SLBP: variants seen among roughly 807,000 people sequenced by gnomAD.
The protein encoded by SLBP is stem-loop histone mRNA binding protein, also known as histone RNA hairpin-binding protein.
Under a neutral mutation model 39.2 loss-of-function variants are expected in SLBP, and 29 were observed. That is an observed-to-expected ratio of 0.74 (90% CI 0.55 to 1.01). The LOEUF is 1.01. Ranked by LOEUF, SLBP falls within the 50% of genes least tolerant of loss-of-function variation. SLBP has a pLI of 0.00. For missense variants in SLBP, 390 were observed against 350.2 expected, an observed-to-expected ratio of 1.11 and a Z score of -0.91; for synonymous variants, 129 against 118.7, an observed-to-expected ratio of 1.09 and a Z score of -0.57.
intron 4 of SLBP, 127 bp from the exon 5 acceptor site, chr4:1,699,828 T>C: frequency 1.0e-6 from 1 of 958,362 alleles, no homozygotes; most frequent in Non-Finnish European, 1.6e-6. Flanking sequence ...ATATGAATCC[T>C]AAATAGTCCG....
chr4:1,703,739 A>C (rs1417095960), intron 2 of SLBP, 39 bp from the exon 3 acceptor site: 10 of 1,354,720 alleles, frequency 7.4e-6, no homozygotes, highest in Admixed American at 1.7e-5. Flanking sequence ...CATGACACAT[A>C]CTTTGTTTTC....
intron 2 of SLBP, among the ~76,000 whole-genome samples, chr4:1,709,225 G>C (rs998704399): frequency 1.3e-5 from 2 of 152,050 alleles, no homozygotes; most frequent in Non-Finnish European, 2.9e-5. Flanking sequence ...CACCATGCCC[G>C]ACTAATTTTG....
rs2109120104 is a variant in SLBP, at chr4:1,700,041, A to C, written c.311T>G (p.Phe104Cys). The change falls in exon 4 of 8, where the codon TTT (phenylalanine) becomes TGT (cysteine). Residue 104 changes from phenylalanine (F) to cysteine (C), a missense_variant. Physicochemically the swap from Phe to Cys is radical, Grantham distance 205 (BLOSUM62 -2). Coordinates refer to ENST00000489418, the MANE Select transcript of SLBP (RefSeq NM_006527.4). ...RYKRKLLIND[F>C]GRERKSSSGS... Reference sequence around the variant, plus strand: ...TGATGATGATTTTCTCTCTCTTCCAAAGTCATTGATGAGGAGTTTCCTTTT... The same window carrying C: ...TGATGATGATTTTCTCTCTCTTCCACAGTCATTGATGAGGAGTTTCCTTTT... The C allele has an allele frequency of 6.2e-7, 1 of 1,601,160 alleles. No individual in the cohort carries two copies. Among genetic ancestry groups the C allele is most frequent in the African/African-American group, 1.3e-5 (1 of 74,524 alleles).
At chr4:1,702,927 G>A (rs999401704) in intron 3 of SLBP, among the ~76,000 whole-genome samples, 2 of 152,046 alleles carry the variant, frequency 1.3e-5, no homozygotes, top group Non-Finnish European at 2.9e-5. Flanking sequence ...ACAGAAGGTC[G>A]GTGGTAACAA....
Position 1,701,710 on chromosome 4 carries a change from C to G in SLBP, c.282-1640G>C, listed in dbSNP as rs541642011. On this transcript the variant is annotated intron_variant, in intron 3 of 7. Transcript: ENST00000489418. ...TCACCTGAGGTCAGGAGTTCAAGACCAGCCTGGCCAATATGGTGAAACCTA... is the reference window on the plus strand; with the variant it reads ...TCACCTGAGGTCAGGAGTTCAAGACGAGCCTGGCCAATATGGTGAAACCTA... Among the ~76,000 whole-genome samples the G allele has an allele frequency of 7.3e-4, 111 of 152,196 alleles. 1 individual carries two copies. In the Middle Eastern group the frequency reaches 0.01, roughly 14 times the overall value.
In SLBP at chr4:1,706,780, G is replaced by C. The variant is rs1001503561; in HGVS notation, c.177-3080C>G. ...ACCAGGCGGAGTTGCAGTGAGCCGA[G>C]ATCGTGCACTGCACTCCAGCCTGGG... On this transcript the variant is annotated intron_variant, in intron 2 of 7. Coordinates refer to ENST00000489418, the MANE Select transcript of SLBP (RefSeq NM_006527.4). Among the ~76,000 whole-genome samples, 19 of 117,522 alleles carry C rather than the reference G, an allele frequency of 1.6e-4. No homozygotes were observed. In the East Asian group the frequency reaches 2.5e-3, roughly 16 times the overall value. 77.1% of individuals were successfully genotyped at this position (117,522 alleles called of 152,430 possible).
intron 2 of SLBP, among the ~76,000 whole-genome samples, chr4:1,707,720 G>A (rs540033451): frequency 6.6e-6 from 1 of 151,720 alleles, no homozygotes; most frequent in East Asian, 2.0e-4. Flanking sequence ...GCTGAGGCGG[G>A]CGGATCACAA....
intron 2 of SLBP, among the ~76,000 whole-genome samples, chr4:1,705,085 G>A (rs1351450630): frequency 3.3e-5 from 5 of 152,042 alleles, no homozygotes; most frequent in South Asian, 2.1e-4. Context: ...GAGCCACCAC[G>A]TCCAGCTAAT....
intron 2 of SLBP, among the ~76,000 whole-genome samples, chr4:1,704,898 GCCT>G (rs1716461483): frequency 6.6e-6 from 1 of 151,786 alleles, no homozygotes; most frequent in African/African-American, 2.4e-5. Flanking sequence ...CCAAATGTCT[GCCT>G]CCTCCTGTTC....
chr4:1,706,152 G>A (rs1005562407), intron 2 of SLBP, among the ~76,000 whole-genome samples: 7 of 152,156 alleles, frequency 4.6e-5, no homozygotes, highest in Non-Finnish European at 8.8e-5. Context: ...AGGTGCAGTG[G>A]TGCGCACCAG....
chr4:1,700,629 G>T (rs1274727349), intron 3 of SLBP, among the ~76,000 whole-genome samples: 1 of 151,804 alleles, frequency 6.6e-6, no homozygotes, highest in African/African-American at 2.4e-5. Context: ...GCACGATCAT[G>T]GCTTACCACA....
At chr4:1,703,003 T>C (rs1205551332) in intron 3 of SLBP, among the ~76,000 whole-genome samples, 3 of 151,942 alleles carry the variant, frequency 2.0e-5, no homozygotes, top group Non-Finnish European at 4.4e-5. Flanking sequence ...TCCCAGCACT[T>C]TGGGAGGCCG....
chr4:1,703,861 T>TC (rs1193669964), intron 2 of SLBP, among the ~76,000 whole-genome samples, 161 bp from the exon 3 acceptor site: 1 of 152,084 alleles, frequency 6.6e-6, no homozygotes, highest in Non-Finnish European at 1.5e-5. Flanking sequence ...ACCCAGGAGT[T>TC]CAAGACCAGC....
intron 3 of SLBP, 156 bp from the exon 4 acceptor site, chr4:1,700,226 TA>T: frequency 6.8e-6 from 3 of 438,078 alleles, no homozygotes; most frequent in South Asian, 1.2e-4. Context: ...TCAGTTTAAG[TA>T]GTGAGATCCA....
intron 3 of SLBP, among the ~76,000 whole-genome samples, chr4:1,702,777 G>C (rs1716373116): frequency 6.6e-6 from 1 of 152,182 alleles, no homozygotes; most frequent in Admixed American, 6.5e-5. Context: ...AACTGCAAGA[G>C]GTTCACAGAA....
chr4:1,711,276 G>A (rs1202963286), intron 2 of SLBP, among the ~76,000 whole-genome samples: 1 of 151,512 alleles, frequency 6.6e-6, no homozygotes, highest in Non-Finnish European at 1.5e-5. Flanking sequence ...TCTCGGCCAA[G>A]TCACCACGCC....
chr4:1,694,660 G>C (rs1432236913), intron 7 of SLBP, 114 bp downstream of exon 7: 1 of 770,756 alleles, frequency 1.3e-6, no homozygotes, highest in African/African-American at 1.7e-5. Flanking sequence ...CAAGGTGCTG[G>C]GATTACAGGC....
intron 5 of SLBP, among the ~76,000 whole-genome samples, chr4:1,696,570 T>A (rs1042579646): frequency 6.6e-6 from 1 of 151,556 alleles, no homozygotes; most frequent in African/African-American, 2.4e-5. Context: ...TGAGACCTCG[T>A]CTCTATTTAA....
rs1179445882 is a variant in SLBP, at chr4:1,693,505, C to A, written c.*92G>T. On this transcript the variant is annotated 3_prime_UTR_variant, in exon 8 of 8. Transcript: ENST00000489418. ...TAATGGACTGCTAACAGAGAAACCACCAGGTACAAGTGCACACACATGCTT... is the reference window on the plus strand; with the variant it reads ...TAATGGACTGCTAACAGAGAAACCAACAGGTACAAGTGCACACACATGCTT... The A allele has an allele frequency of 6.7e-6, 5 of 750,944 alleles. No homozygotes were observed. The highest frequency in any genetic ancestry group is 1.2e-5 in the Non-Finnish European group (5 of 419,252). The allele number at this position is 750,944 out of a possible 1,614,324, so 46.5% of individuals were successfully genotyped here.
Sources: gnomAD v4.1 joint callset for allele counts (sites outside exome capture counted in the v4.1 genomes callset) on GRCh38, gnomAD v4.1.1 for gene constraint, MANE v1.5 for transcripts, NCBI Gene and HGNC (gene_info 2026-07-23, HGNC 2026-07-21) for gene names.